Variants in IL1RAPL2 observed in about 807,000 individuals in gnomAD.
IL1RAPL2 encodes the protein interleukin 1 receptor accessory protein like 2, also known as X-linked interleukin-1 receptor accessory protein-like 2.
IL1RAPL2 carries 3 observed loss-of-function variants against 44.1 expected under a neutral mutation model. The ratio of observed to expected loss-of-function variants is 0.07; its 90% CI spans 0.03 to 0.18. IL1RAPL2 has a LOEUF of 0.18. IL1RAPL2 is among the 10% of genes least tolerant of loss of function. The pLI is 1.00. For missense variants in IL1RAPL2, 391 were observed against 496.4 expected (o/e 0.79, Z 2.02); for synonymous variants, 181 against 178.8 (o/e 1.01, Z -0.10).
At chrX:104,992,887 T>C (rs906189056) in intron 2 of IL1RAPL2, among the ~76,000 whole-genome samples, 3 of 111,295 alleles carry the variant, frequency 2.7e-5, no homozygotes, top group African/African-American at 9.8e-5. Context: ...GAAAACTTAA[T>C]TTTAGATTTG....
intron 5 of IL1RAPL2, among the ~76,000 whole-genome samples, chrX:105,364,970 T>C (rs2035282848): frequency 8.9e-6 from 1 of 111,871 alleles, no homozygotes; most frequent in South Asian, 3.7e-4. Flanking sequence ...TACATCCTTG[T>C]CTTGTTCCTG....
chrX:104,791,869 T>C (rs1932828115), intron 2 of IL1RAPL2, among the ~76,000 whole-genome samples: 1 of 111,406 alleles, frequency 9.0e-6, no homozygotes, highest in Non-Finnish European at 1.9e-5. Flanking sequence ...AAACAGTTCC[T>C]AACTGATTTG....
intron 2 of IL1RAPL2, among the ~76,000 whole-genome samples, chrX:105,036,993 G>A (rs1458925532): frequency 1.8e-5 from 2 of 112,034 alleles, no homozygotes; most frequent in Non-Finnish European, 3.8e-5. Context: ...CTCCCCATAT[G>A]CTTCCAAGAA....
rs551809257 is a variant in IL1RAPL2 at position 104,881,243 on chromosome X, T to G, written c.82+222248T>G. Among the ~76,000 whole-genome samples, 32 of 111,704 alleles carry G rather than the reference T, an allele frequency of 2.9e-4. No homozygotes were observed. In the Middle Eastern group the frequency reaches 0.019, roughly 65 times the overall value. Reference sequence around the variant, plus strand: ...AAACACATAAAAAATGAGATATACCTTTCTTTACAATTACGTTCTTTGCTA... The same window carrying G: ...AAACACATAAAAAATGAGATATACCGTTCTTTACAATTACGTTCTTTGCTA... On this transcript the variant is annotated intron_variant, in intron 2 of 10. Transcript: ENST00000372582.
chrX:105,287,843 A>G (rs964878240), intron 5 of IL1RAPL2, among the ~76,000 whole-genome samples: 1 of 111,565 alleles, frequency 9.0e-6, no homozygotes, highest in African/African-American at 3.3e-5. Context: ...ACAAATCTTT[A>G]TATGTGCTAC....
intron 2 of IL1RAPL2, among the ~76,000 whole-genome samples, chrX:105,044,067 C>T (rs1381757032): frequency 1.8e-5 from 2 of 111,399 alleles, no homozygotes; most frequent in East Asian, 2.8e-4. Flanking sequence ...GCTCAGGCCA[C>T]TAAATGCATT....
intron 5 of IL1RAPL2, among the ~76,000 whole-genome samples, chrX:105,482,112 G>GA (rs2036236768): frequency 8.9e-6 from 1 of 111,824 alleles, no homozygotes; most frequent in Non-Finnish European, 1.9e-5. Context: ...CTAATCTACA[G>GA]ATTTACCTAA....
At chrX:105,561,844 G>A (rs1390074922) in intron 6 of IL1RAPL2, among the ~76,000 whole-genome samples, 4 of 111,952 alleles carry the variant, frequency 3.6e-5, no homozygotes, top group Admixed American at 9.6e-5. Flanking sequence ...TTTGTGGACA[G>A]TGCAGGGTTT....
chrX:105,629,134 AT>A (rs201418527), intron 6 of IL1RAPL2, among the ~76,000 whole-genome samples: 26 of 108,411 alleles, frequency 2.4e-4, no homozygotes, highest in South Asian at 8.1e-4. Flanking sequence ...TTTCCATTCA[AT>A]TTTTTTTTTC....
intron 2 of IL1RAPL2, among the ~76,000 whole-genome samples, chrX:105,165,772 A>T (rs749324747): frequency 9.0e-6 from 1 of 111,589 alleles, no homozygotes; most frequent in Non-Finnish European, 1.9e-5. Flanking sequence ...TCATAATTGT[A>T]GTTTCCTTTG....
chrX:105,487,308 A>G (rs930980059), intron 6 of IL1RAPL2, among the ~76,000 whole-genome samples: 2 of 111,179 alleles, frequency 1.8e-5, no homozygotes, highest in African/African-American at 6.5e-5. Context: ...ACCTGTATGT[A>G]CTGTTCAGGA....
In IL1RAPL2 at chrX:104,882,786, G is replaced by A. The variant is rs754878668; in HGVS notation, c.82+223791G>A. The stretch of plus-strand genomic sequence containing the variant: ...TTCGCTCTTCTCAGTAAATCTTGCT[G>A]CTGCTCACTCTTTGGGTCCGCACTA... On this transcript the variant is annotated intron_variant, in intron 2 of 10. Transcript: ENST00000372582. Among the ~76,000 whole-genome samples, 41 of 111,769 alleles carry A rather than the reference G, an allele frequency of 3.7e-4. No homozygotes were observed. The South Asian group carries it at 0.016, about 43-fold the overall frequency.
chrX:105,217,395 A>G (rs2033872821), intron 3 of IL1RAPL2, among the ~76,000 whole-genome samples: 1 of 112,069 alleles, frequency 8.9e-6, no homozygotes, highest in Non-Finnish European at 1.9e-5. Flanking sequence ...CAAAACCACA[A>G]TGAGATACCA....
chrX:104,668,514 C>G (rs1198235544), intron 2 of IL1RAPL2, among the ~76,000 whole-genome samples: 3 of 86,608 alleles, frequency 3.5e-5, no homozygotes, highest in Non-Finnish European at 6.6e-5. Flanking sequence ...GTGTGATGCT[C>G]GTGTTTCTGT....
At chrX:104,985,008 T>C (rs1311360266) in intron 2 of IL1RAPL2, among the ~76,000 whole-genome samples, 2 of 112,210 alleles carry the variant, frequency 1.8e-5, no homozygotes, top group East Asian at 2.8e-4. Context: ...TTATAAAAGA[T>C]TGGATTAAAT....
rs748108559 is a variant in IL1RAPL2, at chrX:104,927,958, A to G, written c.83-267517A>G. Among the ~76,000 whole-genome samples, 50 of 112,360 alleles carry G rather than the reference A, an allele frequency of 4.4e-4. 1 individual carries two copies. The highest frequency in any genetic ancestry group is 9.2e-3 in the Middle Eastern group (2 of 218). The stretch of plus-strand genomic sequence containing the variant: ...CCATCACAAGGTGTATCTCCAGTGT[A>G]TAAGTGTTGACAGAAGCAAAGTCAA... On this transcript the variant is annotated intron_variant, in intron 2 of 10. Coordinates refer to ENST00000372582, the MANE Select transcript of IL1RAPL2 (RefSeq NM_017416.2).
chrX:105,204,469 A>T (rs964064129), intron 3 of IL1RAPL2, among the ~76,000 whole-genome samples: 1 of 112,227 alleles, frequency 8.9e-6, no homozygotes, highest in South Asian at 3.7e-4. Context: ...AGTCCCAGGC[A>T]TGAAAAGTAA....
chrX:104,614,614 A>C (rs1295048020), intron 1 of IL1RAPL2, among the ~76,000 whole-genome samples: 1 of 111,823 alleles, frequency 8.9e-6, no homozygotes, highest in East Asian at 2.8e-4. Context: ...TAGTGGTGTC[A>C]GTGGGGTGTT....
intron 4 of IL1RAPL2, among the ~76,000 whole-genome samples, chrX:105,234,441 G>A (rs906744970): frequency 9.0e-6 from 1 of 111,595 alleles, no homozygotes; most frequent in Non-Finnish European, 1.9e-5. Flanking sequence ...GAGAGAAATG[G>A]GCCCAGTACA....
Sources: allele counts gnomAD v4.1 joint callset (sites outside exome capture counted in the v4.1 genomes callset), GRCh38; gene constraint gnomAD v4.1.1; transcripts MANE v1.5; gene names NCBI Gene and HGNC (gene_info 2026-07-23, HGNC 2026-07-21).